Variants in CSK observed in about 807,000 individuals in gnomAD.
CSK encodes the protein tyrosine-protein kinase CSK.
CSK carries 7 observed loss-of-function variants against 62.3 expected under a neutral mutation model. The ratio of observed to expected loss-of-function variants is 0.11; its 90% CI spans 0.06 to 0.21. The LOEUF is 0.21. Ranked by LOEUF, CSK falls within the 10% of genes least tolerant of loss-of-function variation. The probability of loss-of-function intolerance (pLI) is 1.00; values close to 1 mark genes in which losing one functional copy is unlikely to be tolerated. For synonymous variants in CSK, 237 were observed against 246.0 expected (o/e 0.96, Z 0.34); for missense variants, 294 against 613.5 (o/e 0.48, Z 5.50).
chr15:74,791,365 G>A (rs954504009), intron 1 of CSK, among the ~76,000 whole-genome samples: 1 of 151,886 alleles, frequency 6.6e-6, no homozygotes, highest in African/African-American at 2.4e-5. Flanking sequence ...TTAACATTTT[G>A]CCACATTTAC....
intron 1 of CSK, among the ~76,000 whole-genome samples, chr15:74,787,874 C>CT (rs2141782799): frequency 6.6e-6 from 1 of 152,380 alleles, no homozygotes; most frequent in Admixed American, 6.5e-5. Flanking sequence ...ACTCGCGCAT[C>CT]TATCTATCTG....
intron 1 of CSK, among the ~76,000 whole-genome samples, chr15:74,795,265 C>T (rs1032908044): frequency 2.0e-5 from 3 of 152,160 alleles, no homozygotes; most frequent in African/African-American, 7.2e-5. Flanking sequence ...TTCACACCCC[C>T]AGCACTTTGC....
At chr15:74,796,758 C>G (rs934646141) in intron 1 of CSK, among the ~76,000 whole-genome samples, 1 of 152,118 alleles carries the variant, frequency 6.6e-6, no homozygotes, top group African/African-American at 2.4e-5. Context: ...CATGATTGGG[C>G]TCAGACAGTC....
intron 12 of CSK, 41 bp from the exon 13 acceptor site, chr15:74,802,290 G>T: frequency 2.6e-6 from 4 of 1,537,478 alleles, no homozygotes; most frequent in Non-Finnish European, 1.7e-6. Flanking sequence ...TCCTCTCTGA[G>T]GCCAGGGCCT....
intron 9 of CSK, 86 bp downstream of exon 9, chr15:74,801,188 C>T: frequency 6.8e-7 from 1 of 1,480,116 alleles, no homozygotes; most frequent in South Asian, 1.2e-5. Flanking sequence ...TCCCTCAGTC[C>T]CCCGACCCCA....
chr15:74,786,786 C>T (rs1164432896), intron 1 of CSK, among the ~76,000 whole-genome samples: 2 of 152,148 alleles, frequency 1.3e-5, no homozygotes, highest in African/African-American at 4.8e-5. Context: ...ACTGTAGCCC[C>T]AGATGACCCT....
chr15:74,801,672 A>T, intron 10 of CSK, 23 bp from the exon 11 acceptor site: 1 of 1,608,990 alleles, frequency 6.2e-7, no homozygotes, highest in Non-Finnish European at 8.5e-7. Context: ...GTCTGAGGGG[A>T]CATGTGGCTG....
intron 1 of CSK, among the ~76,000 whole-genome samples, chr15:74,792,710 C>T (rs1165871938): frequency 2.0e-5 from 3 of 152,216 alleles, no homozygotes; most frequent in African/African-American, 7.2e-5. Flanking sequence ...AAGGAGGGGA[C>T]CCCGGCCTAG....
chr15:74,796,631 A>G (rs1253545318), intron 1 of CSK, among the ~76,000 whole-genome samples: 2 of 151,804 alleles, frequency 1.3e-5, no homozygotes, highest in Admixed American at 6.6e-5. Context: ...GAAAAAATCC[A>G]TGTGTAACTG....
intron 1 of CSK, among the ~76,000 whole-genome samples, chr15:74,790,654 C>A (rs1008057814): frequency 2.0e-5 from 3 of 152,264 alleles, no homozygotes; most frequent in Admixed American, 6.5e-5. Context: ...TTGGGGTTAA[C>A]TATAGTCCTA....
chr15:74,783,300 C>T (rs2063465740), intron 1 of CSK, among the ~76,000 whole-genome samples: 1 of 152,198 alleles, frequency 6.6e-6, no homozygotes, highest in Non-Finnish European at 1.5e-5. Context: ...GCCTTCTGCC[C>T]GGGGGGAGGT....
In CSK at chr15:74,800,765, C is replaced by A; in HGVS notation, c.622+19C>A. On this transcript the variant is annotated intron_variant, in intron 7 of 12. Transcript: ENST00000220003. ...TTCGGAGGTGAGCTGGGCCGGGCCC[C>A]CTGGGGGGGTTCTGAGGGACTCCGA... 6.3e-7 allele frequency: 1 copy of A among 1,583,592 alleles called. No individual in the cohort carries two copies. Among genetic ancestry groups the A allele is most frequent in the East Asian group, 2.3e-5 (1 of 43,130 alleles).
At chr15:74,784,552 A>T (rs560584719) in intron 1 of CSK, among the ~76,000 whole-genome samples, 3 of 152,214 alleles carry the variant, frequency 2.0e-5, no homozygotes, top group Non-Finnish European at 2.9e-5. Flanking sequence ...ACCCTCTCAG[A>T]AGCAGCTGCT....
chr15:74,785,895 G>A (rs1441412030), intron 1 of CSK, among the ~76,000 whole-genome samples: 3 of 152,084 alleles, frequency 2.0e-5, no homozygotes, highest in Non-Finnish European at 4.4e-5. Context: ...CTGGCCCTGG[G>A]AAGATGGGCT....
At chr15:74,783,123 C>T (rs556329571) in intron 1 of CSK, among the ~76,000 whole-genome samples, 1 of 152,320 alleles carries the variant, frequency 6.6e-6, no homozygotes, top group South Asian at 2.1e-4. Flanking sequence ...TGGTTCTGAC[C>T]CCTCCCTCAT....
intron 1 of CSK, chr15:74,791,052 A>T (rs935272714): frequency 6.6e-6 from 1 of 152,222 alleles, no homozygotes; most frequent in African/African-American, 2.4e-5. Context: ...AAAAGGACAA[A>T]ATAGCAAATG....
chr15:74,798,066 C>T lies in CSK; in HGVS notation c.-65-167C>T. Reference sequence around the variant, plus strand: ...CTGGGGGTCCTCAGCCCTCATGCTCCTCTACCCAGTACCGTCAGCCTGCCA... The same window carrying T: ...CTGGGGGTCCTCAGCCCTCATGCTCTTCTACCCAGTACCGTCAGCCTGCCA... On this transcript the variant is annotated intron_variant, in intron 1 of 12. Transcript: ENST00000220003. The surrounding 1 kb of genome is among the most constrained non-coding windows in gnomAD (Gnocchi z 6.6). The T allele has an allele frequency of 3.8e-6, 2 of 525,340 alleles. No individual in the cohort carries two copies. The highest frequency in any genetic ancestry group is 4.9e-5 in the South Asian group (2 of 40,770). 32.5% of individuals were successfully genotyped at this position (525,340 alleles called of 1,614,324 possible).
chr15:74,787,000 G>A (rs988256659), intron 1 of CSK, among the ~76,000 whole-genome samples: 11 of 152,174 alleles, frequency 7.2e-5, no homozygotes, highest in Admixed American at 2.0e-4. Context: ...GAGGTCACAG[G>A]GTGGGGTCCG....
intron 1 of CSK, among the ~76,000 whole-genome samples, chr15:74,795,924 AG>A (rs2063697907): frequency 6.6e-6 from 1 of 152,242 alleles, no homozygotes; most frequent in African/African-American, 2.4e-5. Flanking sequence ...AAATAAAATA[AG>A]AAAATCATAT....
Sources: allele counts gnomAD v4.1 joint callset (sites outside exome capture counted in the v4.1 genomes callset), GRCh38; gene constraint gnomAD v4.1.1; non-coding constraint Gnocchi (gnomAD v3.1); transcripts MANE v1.5; gene names NCBI Gene and HGNC (gene_info 2026-07-23, HGNC 2026-07-21).